Variants in ZNF730 observed in about 807,000 individuals in gnomAD.
The protein encoded by ZNF730 is putative zinc finger protein 730.
In ZNF730, 12 loss-of-function variants were observed where a neutral mutation model predicts 12.6. That is an observed-to-expected ratio of 0.95 (90% CI 0.61 to 1.54). The LOEUF is 1.54. Ranked by LOEUF, ZNF730 falls within the 40% of genes most tolerant of loss-of-function variation. ZNF730 has a pLI of 0.00. For missense variants in ZNF730, 643 were observed against 583.5 expected (o/e 1.10, Z -1.05); for synonymous variants, 194 against 195.8 (o/e 0.99, Z 0.08).
intron 1 of ZNF730, chr19:23,099,960 T>G (rs2145527558): frequency 6.6e-6 from 1 of 152,298 alleles, no homozygotes; most frequent in East Asian, 1.9e-4. Context: ...GATGTGAGTT[T>G]TCTCTTCTTG....
rs1356988337 is a variant in ZNF730, at chr19:23,127,995, A to G, written c.4-6085A>G. On this transcript the variant is annotated intron_variant, in intron 1 of 3. Coordinates refer to ENST00000597761, the MANE Select transcript of ZNF730 (RefSeq NM_001277403.2). ...CCTGCAGGCTCCTCAGTAGGTCAAG[A>G]TCTGTGACCTATGGCATGGACAAGA... 3 of 743,628 alleles carry G rather than the reference A, an allele frequency of 4.0e-6. No individual in the cohort carries two copies. In the African/African-American group the frequency reaches 5.1e-5, roughly 13 times the overall value. The allele number at this position is 743,628 out of a possible 1,614,324, so 46.1% of individuals were successfully genotyped here. A position where few individuals can be genotyped will look rare whatever the true frequency, so the allele number is the denominator to read the frequency against.
intron 1 of ZNF730, among the ~76,000 whole-genome samples, chr19:23,109,040 C>CCATGCACGGCTAATTTTTGTATTTTTAGT (rs1555713781): frequency 2.0e-5 from 3 of 152,148 alleles, no homozygotes; most frequent in Admixed American, 6.6e-5. Context: ...GCATGAGCCA[C>CCATGCACGGCTAATTTTTGTATTTTTAGT]AGCACCCAGC....
At position 23,094,429 on chromosome 19, in the gene ZNF730, AGGTAGGTAGGTAGGT is replaced by A. The variant is rs1413826248; in HGVS notation, c.-94+19058_-94+19072del. On this transcript the variant is annotated intron_variant, in intron 1 of 2. Transcript: ENST00000593635. ...ATCTATCTGTGGGCACTCTATAGAT[AGGTAGGTAGGTAGGT>A]GGTAGGTAGGTAGGTAGAAAATAAA... Among the ~76,000 whole-genome samples, 240 of 151,830 alleles carry A rather than the reference AGGTAGGTAGGTAGGT, an allele frequency of 1.6e-3. 2 individuals are homozygous for A. Among genetic ancestry groups the A allele is most frequent in the African/African-American group, 9.7e-4 (40 of 41,448 alleles).
chr19:23,085,826 A>ATTTTTTTTTTTTTTTTTT (rs1383951518), intron 1 of ZNF730, among the ~76,000 whole-genome samples: 2 of 72,546 alleles, frequency 2.8e-5, no homozygotes, highest in African/African-American at 1.2e-4. Context: ...ATTTCACCCA[A>ATTTTTTTTTTTTTTTTTT]TTTTTTTTTC....
intron 1 of ZNF730, among the ~76,000 whole-genome samples, chr19:23,093,657 G>C (rs1299338099): frequency 1.3e-5 from 2 of 152,136 alleles, no homozygotes; most frequent in Non-Finnish European, 2.9e-5. Flanking sequence ...CTCCATCCCA[G>C]GTAAGGCCCT....
chr19:23,116,614 G>A (rs1358934339), upstream of ZNF730, among the ~76,000 whole-genome samples: 1 of 149,382 alleles, frequency 6.7e-6, no homozygotes, highest in Non-Finnish European at 1.5e-5. Context: ...TAGAGACGGG[G>A]TTTCACTTGT....
rs1200740694 is a variant in ZNF730 at position 23,090,178 on chromosome 19, G to A, written c.-94+14791G>A. Among the ~76,000 whole-genome samples the A allele has an allele frequency of 5.9e-5, 9 of 152,120 alleles. No homozygotes were observed. In the East Asian group the frequency reaches 9.7e-4, roughly 16 times the overall value. ...GGAGAATTGTTTGAACCCGAGAGGC[G>A]GAGGTTGCTGTGAGCCAAGATTGTA... On this transcript the variant is annotated intron_variant, in intron 1 of 2. Transcript: ENST00000593635.
chr19:23,139,368 A>G (rs1338284725), intron 3 of ZNF730, among the ~76,000 whole-genome samples: 3 of 152,152 alleles, frequency 2.0e-5, no homozygotes, highest in Admixed American at 1.3e-4. Flanking sequence ...AATGTTTATC[A>G]AAAGTTTTTC....
intron 1 of ZNF730, among the ~76,000 whole-genome samples, chr19:23,103,082 C>A (rs912193921): frequency 6.6e-6 from 1 of 152,166 alleles, no homozygotes; most frequent in Non-Finnish European, 1.5e-5. Context: ...GAATCTCACA[C>A]ATGGAAAAAA....
intron 1 of ZNF730, among the ~76,000 whole-genome samples, chr19:23,093,094 GA>G (rs1208084982): frequency 2.0e-5 from 3 of 152,132 alleles, no homozygotes; most frequent in Non-Finnish European, 4.4e-5. Flanking sequence ...GGGTTCAAGT[GA>G]TTCTTCTGCC....
At chr19:23,090,744 C>A (rs1266338455) in intron 1 of ZNF730, among the ~76,000 whole-genome samples, 1 of 152,016 alleles carries the variant, frequency 6.6e-6, no homozygotes, top group Non-Finnish European at 1.5e-5. Flanking sequence ...TGCCTGTAAT[C>A]CCAGCACTTT....
upstream of ZNF730, among the ~76,000 whole-genome samples, chr19:23,112,855 A>C (rs1970474908): frequency 1.3e-5 from 2 of 152,244 alleles, no homozygotes; most frequent in Admixed American, 1.3e-4. Context: ...GTTAAAGAGA[A>C]CTTATTCAAA....
At chr19:23,136,190 AT>A (rs564941743) in intron 3 of ZNF730, 147 bp downstream of exon 3, 64 of 565,146 alleles carry the variant, frequency 1.1e-4, no homozygotes, top group Admixed American at 1.7e-4. Context: ...CTTTTTATTT[AT>A]TTTTTTTCCT....
At chr19:23,101,940 CAT>C (rs2053621092) in intron 1 of ZNF730, among the ~76,000 whole-genome samples, 1 of 152,106 alleles carries the variant, frequency 6.6e-6, no homozygotes, top group African/African-American at 2.4e-5. Context: ...TGCATTGTGA[CAT>C]ATTTCTAAGC....
At chr19:23,128,352 CAAAA>C (rs1346257671) in intron 1 of ZNF730, 31 of 539,042 alleles carry the variant, frequency 5.8e-5, no homozygotes, top group Non-Finnish European at 1.4e-5. Context: ...AATACATAAA[CAAAA>C]GCGTAACTCC....
At chr19:23,126,825 A>G (rs1483451791) in intron 1 of ZNF730, 7 of 539,168 alleles carry the variant, frequency 1.3e-5, no homozygotes, top group South Asian at 7.3e-5. Context: ...ATCCAGTGCT[A>G]TATTAGCATT....
intron 1 of ZNF730, among the ~76,000 whole-genome samples, chr19:23,099,554 C>T (rs1198390202): frequency 1.3e-5 from 2 of 152,200 alleles, no homozygotes; most frequent in Admixed American, 6.6e-5. Flanking sequence ...ATTCTGTCCA[C>T]AGTTGGGTTG....
At chr19:23,081,155 C>CTT (rs894055545) in intron 1 of ZNF730, among the ~76,000 whole-genome samples, 3 of 142,812 alleles carry the variant, frequency 2.1e-5, no homozygotes, top group Middle Eastern at 3.6e-3. Context: ...CTCTTTTTTT[C>CTT]TTTTTTTTTT....
chr19:23,095,575 A>C (rs546690427), intron 1 of ZNF730: 4 of 396,722 alleles, frequency 1.0e-5, no homozygotes, highest in Non-Finnish European at 1.3e-5. Flanking sequence ...GTGACATGTC[A>C]CTGGGCCTAA....
Sources: allele counts gnomAD v4.1 joint callset (sites outside exome capture counted in the v4.1 genomes callset), GRCh38; gene constraint gnomAD v4.1.1; transcripts MANE v1.5; gene names NCBI Gene and HGNC (gene_info 2026-07-23, HGNC 2026-07-21).